The following ASAP3 variants were observed in gnomAD, a reference collection of about 807,000 sequenced individuals.
The protein encoded by ASAP3 is ArfGAP with SH3 domain, ankyrin repeat and PH domain 3, also known as arf-GAP with SH3 domain, ANK repeat and PH domain-containing protein 3.
A neutral mutation model predicts 118.2 loss-of-function variants in ASAP3; 85 were observed. The ratio of observed to expected loss-of-function variants is 0.72; its 90% CI spans 0.60 to 0.86. The LOEUF is 0.86. Among genes scored for constraint, ASAP3 ranks in the 40% least tolerant of loss-of-function variants. ASAP3 has a pLI of 0.00. For missense variants in ASAP3, 1,026 were observed against 1,175.0 expected (o/e 0.87, Z 1.85); for synonymous variants, 432 against 477.4 (o/e 0.90, Z 1.24).
chr1:23,441,307 C>G (rs1640865658), intron 9 of ASAP3, 80 bp downstream of exon 9: 1 of 1,604,756 alleles, frequency 6.2e-7, no homozygotes. Flanking sequence ...CCAGGGGACC[C>G]TGTGGGTCTT....
chr1:23,459,842 T>C (rs1230398358), intron 1 of ASAP3, among the ~76,000 whole-genome samples: 2 of 152,214 alleles, frequency 1.3e-5, no homozygotes, highest in African/African-American at 2.4e-5. Context: ...CCCTGCAGTG[T>C]GGCAGAGATC....
chr1:23,483,785 G>C (rs1167260268), intron 1 of ASAP3, among the ~76,000 whole-genome samples: 1 of 152,226 alleles, frequency 6.6e-6, no homozygotes, highest in Non-Finnish European at 1.5e-5. Flanking sequence ...GTTTGTCATC[G>C]AAGAGACCTC....
In ASAP3 at chr1:23,429,817, T is replaced by A. The variant is rs371483919; in HGVS notation, c.*39A>T. Reference sequence around the variant, plus strand: ...TGAGCTCAAGTCCCAGCTCTGAACATTGGGGCCTAGCATGGGGCATGTGGG... The same window carrying A: ...TGAGCTCAAGTCCCAGCTCTGAACAATGGGGCCTAGCATGGGGCATGTGGG... On this transcript the variant is annotated 3_prime_UTR_variant, in exon 25 of 25. Coordinates refer to ENST00000336689, the MANE Select transcript of ASAP3 (RefSeq NM_017707.4). The A allele has an allele frequency of 6.9e-6, 11 of 1,598,990 alleles. No individual in the cohort carries two copies. Among genetic ancestry groups the A allele is most frequent in the Middle Eastern group, 1.7e-4 (1 of 5,888 alleles).
intron 1 of ASAP3, among the ~76,000 whole-genome samples, chr1:23,476,353 CAAAAAAA>C (rs796975962): frequency 7.7e-6 from 1 of 130,412 alleles, no homozygotes; most frequent in African/African-American, 2.7e-5. Context: ...CCCAATCAAA[CAAAAAAA>C]AAAAAGAAAA....
intron 1 of ASAP3, among the ~76,000 whole-genome samples, chr1:23,465,925 A>T (rs575733810): frequency 6.6e-5 from 10 of 152,244 alleles, no homozygotes; most frequent in African/African-American, 2.2e-4. Flanking sequence ...TCTGCCTCCA[A>T]ACCTAAATCC....
intron 1 of ASAP3, among the ~76,000 whole-genome samples, chr1:23,474,321 T>C (rs1020976742): frequency 3.9e-5 from 6 of 152,182 alleles, no homozygotes; most frequent in Middle Eastern, 3.4e-3. Context: ...GTCTCTGTCA[T>C]TGTCTTATTT....
At chr1:23,442,733 G>A in intron 5 of ASAP3, 121 bp from the exon 6 acceptor site, 9 of 1,418,956 alleles carry the variant, frequency 6.3e-6, no homozygotes, top group Non-Finnish European at 8.5e-6. Context: ...CAGCTGTGTG[G>A]TGGGGCTGGG....
intron 1 of ASAP3, among the ~76,000 whole-genome samples, chr1:23,464,336 G>A (rs146016972): frequency 0.012 from 1,862 of 151,666 alleles, 42 homozygotes; most frequent in African/African-American, 0.042. Context: ...ACAGGTGCCC[G>A]CCACCATGCC....
At chr1:23,433,781 T>C in intron 19 of ASAP3, 88 bp from the exon 20 acceptor site, 1 of 1,552,246 alleles carries the variant, frequency 6.4e-7, no homozygotes, top group Non-Finnish European at 8.8e-7. Flanking sequence ...AATCAGAATG[T>C]ATGGGTTTGA....
intron 5 of ASAP3, among the ~76,000 whole-genome samples, chr1:23,449,475 T>G (rs1197101317): frequency 6.6e-6 from 1 of 152,184 alleles, no homozygotes; most frequent in Non-Finnish European, 1.5e-5. Flanking sequence ...CCAGTGGTAT[T>G]TGACAGATGC....
At chr1:23,484,275 C>A (rs1425120398), upstream of ASAP3, 1 of 825,394 alleles carries the variant, frequency 1.2e-6, no homozygotes, top group Non-Finnish European at 1.6e-6. Context: ...CCCCGACCCT[C>A]CAGCCGCTCT....
At position 23,436,428 on chromosome 1, in the gene ASAP3, G is replaced by A; in HGVS notation, c.1571+132C>T. 1 of 983,824 alleles carries A rather than the reference G, an allele frequency of 1.0e-6. No individual in the cohort carries two copies. The highest frequency in any genetic ancestry group is 1.5e-6 in the Non-Finnish European group (1 of 662,472). 60.9% of individuals were successfully genotyped at this position (983,824 alleles called of 1,614,324 possible). A position where few individuals can be genotyped will look rare whatever the true frequency, so the allele number is the denominator to read the frequency against. On this transcript the variant is annotated intron_variant, in intron 16 of 24. Coordinates refer to ENST00000336689, the MANE Select transcript of ASAP3 (RefSeq NM_017707.4). This position sits in a 1 kb window ranked among gnomAD's most constrained non-coding sequence, Gnocchi z 4.2. ...TCCGCCCGCCTTGGCCTCCCAAAGT[G>A]CTGGGATTACAGGCGTGAGCCACTG... is the stretch of plus-strand genomic sequence containing the variant.
chr1:23,477,964 G>A (rs77062571), intron 1 of ASAP3, among the ~76,000 whole-genome samples: 1,702 of 152,270 alleles, frequency 0.011, 36 homozygotes, highest in African/African-American at 0.038. Context: ...CTAACTGAGC[G>A]ATGCATCTGC....
intron 1 of ASAP3, among the ~76,000 whole-genome samples, chr1:23,469,944 A>G (rs1379548104): frequency 4.6e-5 from 7 of 152,132 alleles, no homozygotes; most frequent in South Asian, 2.1e-4. Context: ...ATTGCTGTGA[A>G]AAGAAATTGA....
chr1:23,438,718 G>T lies in ASAP3; in HGVS notation c.1102+29C>A. The T allele has an allele frequency of 6.2e-7, 1 of 1,606,550 alleles. No individual in the cohort carries two copies. Among genetic ancestry groups the T allele is most frequent in the South Asian group, 1.1e-5 (1 of 90,918 alleles). On this transcript the variant is annotated intron_variant, in intron 12 of 24. Coordinates refer to ENST00000336689, the MANE Select transcript of ASAP3 (RefSeq NM_017707.4). This position sits in a 1 kb window ranked among gnomAD's most constrained non-coding sequence, Gnocchi z 4.9. ...CTTAGAGAAGCCCTGAGCAGCTGTG[G>T]GTGGGGGAGAGGCACAGGGACCACT...
chr1:23,453,429 T>G (rs555551030), intron 3 of ASAP3, among the ~76,000 whole-genome samples: 103 of 152,026 alleles, frequency 6.8e-4, no homozygotes, highest in Non-Finnish European at 9.3e-4. Flanking sequence ...TCTGCCTAAG[T>G]TGTGGGAGAA....
rs772261009 is a variant in ASAP3, at chr1:23,452,775, G to GA, written c.349-5dup. 25 of 1,613,838 alleles carry GA rather than the reference G, an allele frequency of 1.5e-5. No individual in the cohort carries two copies. The East Asian group carries it at 2.9e-4, about 19-fold the overall frequency. ...CAATGTTGTTCAAGTTCTGAATCTGGAAAAAACAGAGACGCTCATTCCCGC... is the reference window on the plus strand; with the variant it reads ...CAATGTTGTTCAAGTTCTGAATCTGGAAAAAAACAGAGACGCTCATTCCCGC... On this transcript the variant is annotated splice_region_variant and splice_polypyrimidine_tract_variant and intron_variant, in intron 3 of 24. Transcript: ENST00000336689.
chr1:23,440,584 C>T (rs1357393211), intron 10 of ASAP3, among the ~76,000 whole-genome samples: 4 of 143,760 alleles, frequency 2.8e-5, no homozygotes, highest in South Asian at 2.3e-4. Flanking sequence ...CAGCCGGGCG[C>T]GGTGGCTCAT....
intron 6 of ASAP3, 25 bp downstream of exon 6, chr1:23,442,476 C>G (rs1640907571): frequency 1.9e-6 from 3 of 1,608,560 alleles, no homozygotes; most frequent in South Asian, 1.1e-5. Context: ...CACGCCCCCC[C>G]TCCCTCATCC....
Sources: gnomAD v4.1 joint callset for allele counts (sites outside exome capture counted in the v4.1 genomes callset) on GRCh38, gnomAD v4.1.1 for gene constraint, Gnocchi (gnomAD v3.1) non-coding constraint, MANE v1.5 for transcripts, NCBI Gene and HGNC (gene_info 2026-07-23, HGNC 2026-07-21) for gene names.